The following SEC24B variants were observed in gnomAD, a reference collection of about 807,000 sequenced individuals.
The protein encoded by SEC24B is SEC24 homolog B, COPII component.
Under a neutral mutation model 142.8 loss-of-function variants are expected in SEC24B, and 45 were observed. That is an observed-to-expected ratio of 0.32 (90% CI 0.25 to 0.40). SEC24B has a LOEUF of 0.40. Among genes scored for constraint, SEC24B ranks in the 10% least tolerant of loss-of-function variants. The pLI, the probability that SEC24B is intolerant of heterozygous loss-of-function variation, is 1.00. For synonymous variants in SEC24B, 574 were observed against 568.2 expected, an observed-to-expected ratio of 1.01 and a Z score of -0.15; for missense variants, 1,409 against 1,526.8, an observed-to-expected ratio of 0.92 and a Z score of 1.29.
chr4:109,513,559 G>A (rs1737612584), intron 9 of SEC24B, among the ~76,000 whole-genome samples, 188 bp from the exon 10 acceptor site: 1 of 152,208 alleles, frequency 6.6e-6, no homozygotes, highest in Non-Finnish European at 1.5e-5. Context: ...TGGGATTGCA[G>A]GCGTGAGCCA....
chr4:109,505,809 A>G (rs1451803679), intron 6 of SEC24B, among the ~76,000 whole-genome samples: 1 of 152,218 alleles, frequency 6.6e-6, no homozygotes, highest in Non-Finnish European at 1.5e-5. Flanking sequence ...CCATCTTGAA[A>G]GGGCTTTCAC....
intron 4 of SEC24B, among the ~76,000 whole-genome samples, chr4:109,488,493 TTTTA>T (rs1561125460): frequency 1.3e-5 from 2 of 152,186 alleles, no homozygotes; most frequent in South Asian, 2.1e-4. Flanking sequence ...ATGTATCACA[TTTTA>T]TTTATCCATT....
At position 109,525,048 on chromosome 4, in the gene SEC24B, G is replaced by A. The variant is rs1380265488; in HGVS notation, c.2632+107G>A. 6 of 1,014,646 alleles carry A rather than the reference G, an allele frequency of 5.9e-6. No individual in the cohort carries two copies. In the African/African-American group the frequency reaches 9.9e-5, roughly 17 times the overall value. The allele number at this position is 1,014,646 out of a possible 1,614,324, so 62.9% of individuals were successfully genotyped here. ...CTCTATATTTTAGGGAGAAAAGCATGTGCATTAGATAGACAATATCTATGA... is the reference window on the plus strand; with the variant it reads ...CTCTATATTTTAGGGAGAAAAGCATATGCATTAGATAGACAATATCTATGA... On this transcript the variant is annotated intron_variant, in intron 15 of 23. Transcript: ENST00000265175.
At chr4:109,476,877 C>T (rs1361534904) in intron 3 of SEC24B, among the ~76,000 whole-genome samples, 1 of 152,142 alleles carries the variant, frequency 6.6e-6, no homozygotes, top group Non-Finnish European at 1.5e-5. Flanking sequence ...GTGGCTCACG[C>T]CTGTAATCCC....
chr4:109,531,609 C>G (rs1724940496), intron 20 of SEC24B, 87 bp downstream of exon 20: 1 of 1,004,542 alleles, frequency 1.0e-6, no homozygotes, highest in Non-Finnish European at 1.5e-6. Flanking sequence ...ATACTATCAA[C>G]TGGTTTTTCT....
intron 11 of SEC24B, among the ~76,000 whole-genome samples, chr4:109,519,429 T>C (rs1723363466): frequency 6.6e-6 from 1 of 152,168 alleles, no homozygotes; most frequent in Non-Finnish European, 1.5e-5. Context: ...AGTGACAGAA[T>C]AGCAACAAAT....
Position 109,471,720 on chromosome 4 carries a change from C to T in SEC24B, c.878-1284C>T, listed in dbSNP as rs184477452. ...TCACATGTCTAGCAGTTGGTGCAGA[C>T]TCTTCACTAGGGTTCCTATGTTTTT... On this transcript the variant is annotated intron_variant, in intron 2 of 23. Transcript: ENST00000265175. Among the ~76,000 whole-genome samples, 134 of 152,244 alleles carry T rather than the reference C, an allele frequency of 8.8e-4. 3 individuals carry two copies. Among genetic ancestry groups the T allele is most frequent in the Non-Finnish European group, 2.1e-4 (14 of 68,012 alleles).
chr4:109,516,056 A>C (rs1722827375), intron 10 of SEC24B, among the ~76,000 whole-genome samples: 1 of 152,158 alleles, frequency 6.6e-6, no homozygotes, highest in Admixed American at 6.5e-5. Context: ...TCCAAAAAAA[A>C]GAAAAGTATT....
intron 3 of SEC24B, among the ~76,000 whole-genome samples, chr4:109,473,432 A>G (rs371119271): frequency 2.7e-4 from 41 of 152,234 alleles, no homozygotes; most frequent in East Asian, 1.7e-3. Flanking sequence ...CATTGTGTCA[A>G]TGTATAATGG....
At chr4:109,484,018 A>G (rs1734093686) in intron 4 of SEC24B, among the ~76,000 whole-genome samples, 1 of 152,242 alleles carries the variant, frequency 6.6e-6, no homozygotes. Flanking sequence ...ACCAAAATAC[A>G]GTTATCAAGA....
In SEC24B at chr4:109,509,692, A is replaced by G. The variant is rs184426539; in HGVS notation, c.1674-317A>G. Reference sequence around the variant, plus strand: ...ACTCCATCTCAGAAAAAAAAAAAAAAAAAAAAAAAAGTAGGCCTTTTCACT... The same window carrying G: ...ACTCCATCTCAGAAAAAAAAAAAAAGAAAAAAAAAAGTAGGCCTTTTCACT... On this transcript the variant is annotated intron_variant, in intron 7 of 23. Coordinates refer to ENST00000265175, the MANE Select transcript of SEC24B (RefSeq NM_006323.5). Among the ~76,000 whole-genome samples the G allele has an allele frequency of 3.8e-4, 58 of 151,724 alleles. No individual in the cohort carries two copies. In the East Asian group the frequency reaches 0.011, roughly 28 times the overall value.
chr4:109,488,289 C>G (rs766190390), intron 4 of SEC24B, among the ~76,000 whole-genome samples: 1 of 152,092 alleles, frequency 6.6e-6, no homozygotes, highest in East Asian at 1.9e-4. Flanking sequence ...CACAACCACA[C>G]GCAGCTCTAG....
chr4:109,496,458 C>G (rs1735553416), intron 6 of SEC24B, among the ~76,000 whole-genome samples: 2 of 152,072 alleles, frequency 1.3e-5, no homozygotes, highest in South Asian at 2.1e-4. Flanking sequence ...TTACAGAAAA[C>G]TGTTCTCAGT....
chr4:109,520,913 A>C (rs1236387065), intron 12 of SEC24B, among the ~76,000 whole-genome samples: 3 of 152,088 alleles, frequency 2.0e-5, no homozygotes, highest in African/African-American at 7.2e-5. Context: ...AATCGCTTGA[A>C]CCCGGGAGGT....
rs374657201 is a variant in SEC24B, at chr4:109,463,252, C to T, written c.485C>T (p.Pro162Leu). 2.4e-5 allele frequency: 39 copies of T among 1,613,974 alleles called. No individual in the cohort carries two copies. The highest frequency in any genetic ancestry group is 3.3e-5 in the Non-Finnish European group (39 of 1,180,000). ...TCTTTTGTGAATCACTACAATAGTC[C>T]AGCCATGTACTCTGCCAGCTCTTCT... ...YSSFVNHYNSPAMYSASSSVA... is the reference protein window; with the variant it reads ...YSSFVNHYNSLAMYSASSSVA... Residue 162 changes from proline (P) to leucine (L), a missense_variant, in exon 2 of 24, where the codon CCA becomes CTA. Transcript: ENST00000265175.
chr4:109,464,412 AGCTGGGACTACCAG>A (rs1335034264), intron 2 of SEC24B, among the ~76,000 whole-genome samples: 7 of 151,710 alleles, frequency 4.6e-5, no homozygotes, highest in Non-Finnish European at 7.4e-5. Context: ...CCCCACAAGT[AGCTGGGACTACCAG>A]GCATACGCCA....
rs116368126 is a variant in SEC24B, at chr4:109,506,714, C to T, written c.1673+202C>T. 4.6e-3 allele frequency among the ~76,000 whole-genome samples: 695 copies of T among 152,226 alleles called. 2 individuals are homozygous for T. The highest frequency in any genetic ancestry group is 7.7e-3 in the Non-Finnish European group (527 of 68,012). On this transcript the variant is annotated intron_variant, in intron 7 of 23. Transcript: ENST00000265175. Reference sequence around the variant, plus strand: ...TCTGTCTCAATCCAGTCCCTTCCCCCCATCACCTAATGTTAGGGAAATTAT... The same window carrying T: ...TCTGTCTCAATCCAGTCCCTTCCCCTCATCACCTAATGTTAGGGAAATTAT...
At chr4:109,519,565 G>A (rs1455953938) in intron 11 of SEC24B, among the ~76,000 whole-genome samples, 1 of 152,194 alleles carries the variant, frequency 6.6e-6, no homozygotes, top group East Asian at 1.9e-4. Flanking sequence ...CCTCTAGCCA[G>A]TAACAAATGA....
At position 109,526,264 on chromosome 4, in the gene SEC24B, C is replaced by T. The variant is rs1462710729; in HGVS notation, c.2830C>T (p.Arg944Cys). ...CACTTTTCACGGTAACTTCTTTGTC[C>T]GTTCTACTGATTTGTTATCCCTTGC... ...MHTFHGNFFVRSTDLLSLANI... is the reference protein window; with the variant it reads ...MHTFHGNFFVCSTDLLSLANI... Residue 944 changes from arginine to cysteine, a missense_variant, in exon 17 of 24, where the codon CGT (arginine) becomes TGT (cysteine). By Grantham distance (180) the Arg-to-Cys change is radical. Around this residue, in one of 2 missense-constraint regions of SEC24B, gnomAD observed 700 missense variants for 853.3 expected, o/e 0.82. Coordinates refer to ENST00000265175, the MANE Select transcript of SEC24B (RefSeq NM_006323.5). 2.5e-6 allele frequency: 4 copies of T among 1,613,364 alleles called. No individual in the cohort carries two copies. Among genetic ancestry groups the T allele is most frequent in the Non-Finnish European group, 3.4e-6 (4 of 1,179,814 alleles).
Sources: gnomAD v4.1 joint callset for allele counts (sites outside exome capture counted in the v4.1 genomes callset) on GRCh38, gnomAD v4.1.1 for gene constraint, gnomAD v4.1.1 regional missense constraint, MANE v1.5 for transcripts, NCBI Gene and HGNC (gene_info 2026-07-23, HGNC 2026-07-21) for gene names.